POU2F1: variants seen among roughly 807,000 people sequenced by gnomAD.
POU2F1 encodes the protein POU class 2 homeobox 1.
In POU2F1, 16 loss-of-function variants were observed where a neutral mutation model predicts 84.9. The observed-to-expected ratio is 0.19, with a 90% CI of 0.13 to 0.29. POU2F1 has a LOEUF of 0.29. POU2F1 is among the 10% of genes least tolerant of loss of function. POU2F1 has a pLI of 1.00. For synonymous variants in POU2F1, 368 were observed against 368.3 expected (o/e 1.00, Z 0.01); for missense variants, 738 against 942.6 (o/e 0.78, Z 2.84).
chr1:167,386,476 G>A (rs879004309), intron 8 of POU2F1, among the ~76,000 whole-genome samples: 3 of 152,178 alleles, frequency 2.0e-5, no homozygotes, highest in Non-Finnish European at 2.9e-5. Flanking sequence ...GTGAGCCACC[G>A]CACCAGGCTG....
intron 13 of POU2F1, among the ~76,000 whole-genome samples, chr1:167,408,364 C>G (rs149792550): frequency 6.6e-6 from 1 of 152,184 alleles, no homozygotes; most frequent in African/African-American, 2.4e-5. Flanking sequence ...CAGCAATTTC[C>G]CCAAGAGAAA....
intron 9 of POU2F1, 81 bp from the exon 10 acceptor site, chr1:167,396,205 C>T: frequency 6.7e-7 from 1 of 1,502,740 alleles, no homozygotes; most frequent in Non-Finnish European, 9.1e-7. Flanking sequence ...ATTGGAGCAA[C>T]ACCCCAGAGT....
intron 1 of POU2F1, among the ~76,000 whole-genome samples, chr1:167,249,931 C>T (rs1276557220): frequency 6.6e-6 from 1 of 152,074 alleles, no homozygotes; most frequent in Non-Finnish European, 1.5e-5. Flanking sequence ...TTACCTTTGC[C>T]CACTTCTTGC....
intron 1 of POU2F1, among the ~76,000 whole-genome samples, chr1:167,301,834 T>G (rs1277509772): frequency 6.6e-6 from 1 of 152,200 alleles, no homozygotes; most frequent in Non-Finnish European, 1.5e-5. Flanking sequence ...GCTTTTTGTT[T>G]TAGGTATTTC....
chr1:167,263,996 A>T (rs1651765199), intron 1 of POU2F1, among the ~76,000 whole-genome samples: 1 of 152,180 alleles, frequency 6.6e-6, no homozygotes, highest in African/African-American at 2.4e-5. Context: ...CTGGGTTATG[A>T]TGGTAAGTGA....
At chr1:167,221,366 C>T (rs1648143018) in intron 1 of POU2F1, among the ~76,000 whole-genome samples, 1 of 150,470 alleles carries the variant, frequency 6.6e-6, no homozygotes, top group African/African-American at 2.4e-5. Context: ...AGACATTTTA[C>T]ATATTCATAG....
intron 9 of POU2F1, among the ~76,000 whole-genome samples, chr1:167,390,008 G>T (rs1648282025): frequency 6.6e-6 from 1 of 152,184 alleles, no homozygotes; most frequent in Admixed American, 6.5e-5. Flanking sequence ...ACGTAGAGAT[G>T]ATTTAGAGTA....
At chr1:167,222,525 C>G (rs1648310788) in intron 1 of POU2F1, among the ~76,000 whole-genome samples, 1 of 152,064 alleles carries the variant, frequency 6.6e-6, no homozygotes, top group Non-Finnish European at 1.5e-5. Context: ...GAGATCAAAC[C>G]CAGGCCGTGC....
Position 167,358,737 on chromosome 1 carries a change from T to TTTTTTTTTTTTTTTTTTTTTTTTTTTTTG in POU2F1, c.128-6730_128-6729insTTTTTTTTTTTTTTTTTTTTTTTTTTTTG, listed in dbSNP as rs71097670. On this transcript the variant is annotated intron_variant, in intron 2 of 15. Transcript: ENST00000367866. ...GCAGCTTTTTTTTTTTTTTTTTTTT[T>TTTTTTTTTTTTTTTTTTTTTTTTTTTTTG]GAGACAGGTTCTGACTGTGCTGCTC... Among the ~76,000 whole-genome samples the TTTTTTTTTTTTTTTTTTTTTTTTTTTTTG allele has an allele frequency of 6.8e-5, 6 of 88,774 alleles. 3 individuals are homozygous for TTTTTTTTTTTTTTTTTTTTTTTTTTTTTG. Among genetic ancestry groups the TTTTTTTTTTTTTTTTTTTTTTTTTTTTTG allele is most frequent in the East Asian group, 8.8e-4 (2 of 2,284 alleles). 58.2% of individuals were successfully genotyped at this position (88,774 alleles called of 152,430 possible). A position where few individuals can be genotyped will look rare whatever the true frequency, so the allele number is the denominator to read the frequency against.
chr1:167,413,175 G>A, intron 15 of POU2F1, 61 bp downstream of exon 15: 1 of 1,343,188 alleles, frequency 7.4e-7, no homozygotes. Flanking sequence ...GTGTGTGTGT[G>A]TGTGTGTGTG....
intron 1 of POU2F1, among the ~76,000 whole-genome samples, chr1:167,252,390 G>A (rs951762564): frequency 6.6e-6 from 1 of 152,150 alleles, no homozygotes; most frequent in Admixed American, 6.5e-5. Flanking sequence ...GGAGAAGCAC[G>A]TATGTTTGTA....
rs1202443333 is a variant in POU2F1, at chr1:167,275,030, G to GTTT, written c.61+54073_61+54074insTTT. On this transcript the variant is annotated intron_variant, in intron 1 of 15. Transcript: ENST00000367866. ...GCTAATCTTACTTAGTCAAATAAAT[G>GTTT]TATTTTTTTTTTTTTTTTTTTTTGA... Among the ~76,000 whole-genome samples the GTTT allele has an allele frequency of 8.3e-5, 10 of 120,746 alleles. 1 individual carries two copies. The highest frequency in any genetic ancestry group is 3.1e-4 in the African/African-American group (10 of 32,284). 79.2% of individuals were successfully genotyped at this position (120,746 alleles called of 152,430 possible). A position where few individuals can be genotyped will look rare whatever the true frequency, so the allele number is the denominator to read the frequency against.
chr1:167,375,642 A>G (rs1375031734), intron 6 of POU2F1, among the ~76,000 whole-genome samples: 2 of 152,244 alleles, frequency 1.3e-5, no homozygotes, highest in Non-Finnish European at 2.9e-5. Context: ...AAATTCAGAC[A>G]TAACACGATC....
At chr1:167,293,611 A>G (rs1034412298) in intron 1 of POU2F1, among the ~76,000 whole-genome samples, 2 of 152,154 alleles carry the variant, frequency 1.3e-5, no homozygotes, top group Non-Finnish European at 2.9e-5. Context: ...ATATCCTAAA[A>G]TTCATATGGA....
chr1:167,384,051 C>A, intron 8 of POU2F1, 100 bp downstream of exon 8: 1 of 1,016,472 alleles, frequency 9.8e-7, no homozygotes, highest in Non-Finnish European at 1.4e-6. Flanking sequence ...AAAAATAATT[C>A]GGTCTTCGAA....
At chr1:167,283,107 TTTAC>T (rs1349361475) in intron 1 of POU2F1, among the ~76,000 whole-genome samples, 1 of 152,338 alleles carries the variant, frequency 6.6e-6, no homozygotes, top group Non-Finnish European at 1.5e-5. Context: ...GAACTTCTGT[TTTAC>T]TTGTTTCTTC....
rs138501645 is a variant in POU2F1 at position 167,260,467 on chromosome 1, G to A, written c.61+39509G>A. Among the ~76,000 whole-genome samples the A allele has an allele frequency of 9.2e-4, 140 of 152,132 alleles. 1 individual carries two copies. Among genetic ancestry groups the A allele is most frequent in the Non-Finnish European group, 1.2e-3 (83 of 68,004 alleles). ...GTCTCTTCCAGATCTTCAGATTCTCGTATGTTTTCTTAACGTTTGCTTTTT... is the reference window on the plus strand; with the variant it reads ...GTCTCTTCCAGATCTTCAGATTCTCATATGTTTTCTTAACGTTTGCTTTTT... On this transcript the variant is annotated intron_variant, in intron 1 of 15. Transcript: ENST00000367866.
intron 15 of POU2F1, among the ~76,000 whole-genome samples, chr1:167,413,888 A>C (rs1650135992): frequency 1.3e-5 from 2 of 152,088 alleles, no homozygotes; most frequent in Admixed American, 1.3e-4. Context: ...AGGCAGGAGG[A>C]TCACTTGAGG....
At chr1:167,403,871 C>T (rs555940443) in intron 13 of POU2F1, among the ~76,000 whole-genome samples, 1 of 152,244 alleles carries the variant, frequency 6.6e-6, no homozygotes, top group African/African-American at 2.4e-5. Context: ...CTTCTAAATA[C>T]ATGTATAACT....
Sources: gnomAD v4.1 joint callset for allele counts (sites outside exome capture counted in the v4.1 genomes callset) on GRCh38, gnomAD v4.1.1 for gene constraint, MANE v1.5 for transcripts, NCBI Gene and HGNC (gene_info 2026-07-23, HGNC 2026-07-21) for gene names.